Variants in CHID1 observed in about 807,000 individuals in gnomAD.
The protein encoded by CHID1 is chitinase domain containing 1.
Under a neutral mutation model 55.4 loss-of-function variants are expected in CHID1, and 44 were observed. The ratio of observed to expected loss-of-function variants is 0.79; its 90% CI spans 0.62 to 1.02. The LOEUF is 1.02. Ranked by LOEUF, CHID1 falls within the 50% of genes least tolerant of loss-of-function variation. The probability of loss-of-function intolerance (pLI) is 0.00; values close to 1 mark genes in which losing one functional copy is unlikely to be tolerated. For missense variants in CHID1, 491 were observed against 515.3 expected (o/e 0.95, Z 0.46); for synonymous variants, 216 against 212.9 (o/e 1.01, Z -0.13).
intron 8 of CHID1, among the ~76,000 whole-genome samples, chr11:890,308 G>A (rs889965290): frequency 2.6e-5 from 4 of 152,264 alleles, no homozygotes; most frequent in Non-Finnish European, 5.9e-5. Flanking sequence ...GGTGGGCGAC[G>A]GGAGCAGGGG....
intron 1 of CHID1, among the ~76,000 whole-genome samples, chr11:909,640 C>T (rs374539967): frequency 2.0e-5 from 3 of 152,282 alleles, no homozygotes; most frequent in Admixed American, 1.3e-4. Context: ...ATGTGTAGAG[C>T]GACAGCAGCC....
chr11:890,640 C>T (rs1166438309), intron 8 of CHID1, among the ~76,000 whole-genome samples: 1 of 152,224 alleles, frequency 6.6e-6, no homozygotes, highest in East Asian at 1.9e-4. Flanking sequence ...AAGGGTTCTG[C>T]TCCCATGTTA....
At chr11:897,641 G>A (rs1474509282) in intron 7 of CHID1, among the ~76,000 whole-genome samples, 1 of 152,218 alleles carries the variant, frequency 6.6e-6, no homozygotes, top group Non-Finnish European at 1.5e-5. Context: ...TAGCCTTGCG[G>A]ACATCCTTAC....
At chr11:893,397 C>A in intron 8 of CHID1, 30 bp downstream of exon 8, 1 of 1,532,018 alleles carries the variant, frequency 6.5e-7, no homozygotes, top group South Asian at 1.2e-5. Flanking sequence ...CCCTCCACAG[C>A]CACCCCCACA....
At chr11:908,843 T>A (rs987691594) in intron 1 of CHID1, among the ~76,000 whole-genome samples, 1 of 151,968 alleles carries the variant, frequency 6.6e-6, no homozygotes, top group African/African-American at 2.4e-5. Flanking sequence ...GCCTATGACC[T>A]CCCTGCCCCC....
rs538750331 is a variant in CHID1, at chr11:874,232, C to T, written c.960-3733G>A. 1.3e-4 allele frequency among the ~76,000 whole-genome samples: 20 copies of T among 152,224 alleles called. No homozygotes were observed. In the South Asian group the frequency reaches 1.9e-3, roughly 14 times the overall value. On this transcript the variant is annotated intron_variant, in intron 10 of 12. Transcript: ENST00000323578. ...ATCCCAGCACTTTGGGAGGCTGAGG[C>T]GGGCGGATCACCTGAGGTCAGGAGT...
At chr11:893,264 C>G (rs1850973422) in intron 8 of CHID1, among the ~76,000 whole-genome samples, 163 bp downstream of exon 8, 1 of 152,238 alleles carries the variant, frequency 6.6e-6, no homozygotes, top group African/African-American at 2.4e-5. Context: ...CTGTGCCCAG[C>G]ACAGGGGCAC....
At chr11:878,724 C>T (rs1849685130) in intron 10 of CHID1, among the ~76,000 whole-genome samples, 1 of 151,730 alleles carries the variant, frequency 6.6e-6, no homozygotes, top group Non-Finnish European at 1.5e-5. Context: ...TAATTTGAGA[C>T]AGAGTCTCGC....
intron 10 of CHID1, 146 bp from the exon 11 acceptor site, chr11:870,645 G>C: frequency 1.6e-6 from 1 of 628,898 alleles, no homozygotes. Context: ...ACACCTGGTG[G>C]GGTGGCCAGA....
At chr11:900,368 C>T (rs1466735878) in intron 5 of CHID1, among the ~76,000 whole-genome samples, 1 of 152,184 alleles carries the variant, frequency 6.6e-6, no homozygotes, top group Non-Finnish European at 1.5e-5. Flanking sequence ...GCTCCCCACA[C>T]GGCTCAGCAT....
chr11:883,265 C>G lies in CHID1; in HGVS notation c.842G>C (p.Cys281Ser), dbSNP rs749015751. Residue 281 changes from cysteine (C) to serine (S), a missense_variant, in exon 10 of 13, where the codon TGC (cysteine) becomes TCC (serine). Coordinates refer to ENST00000323578, the MANE Select transcript of CHID1 (RefSeq NM_023947.4). Reference protein sequence around the residue: ...PNAPLSWVRACVQVLDPKSKW... With the variant: ...PNAPLSWVRASVQVLDPKSKW... ...GGACTTCGGGTCCAGGACCTGGACGCAGGCTCGAACCCAGGACAGGGGTGC... is the reference window on the plus strand; with the variant it reads ...GGACTTCGGGTCCAGGACCTGGACGGAGGCTCGAACCCAGGACAGGGGTGC... 2.5e-6 allele frequency: 4 copies of G among 1,613,988 alleles called. No homozygotes were observed. The highest frequency in any genetic ancestry group is 3.4e-6 in the Non-Finnish European group (4 of 1,179,984).
intron 10 of CHID1, among the ~76,000 whole-genome samples, chr11:871,092 G>A (rs113952795): frequency 0.019 from 2,818 of 151,430 alleles, 82 homozygotes; most frequent in Non-Finnish European, 0.021. Flanking sequence ...CCAGATTCAG[G>A]TGATTCTTCT....
Position 875,776 on chromosome 11 carries a change from C to G in CHID1, c.960-5277G>C, listed in dbSNP as rs1849470417. Reference sequence around the variant, plus strand: ...ACCGAGTCGTGGCAGCAAAAGACGCCACGGCAGTGATGAGGACCACGTGCC... The same window carrying G: ...ACCGAGTCGTGGCAGCAAAAGACGCGACGGCAGTGATGAGGACCACGTGCC... On this transcript the variant is annotated intron_variant, in intron 10 of 12. Transcript: ENST00000323578. This position sits in a 1 kb window ranked among gnomAD's most constrained non-coding sequence, Gnocchi z 4.7. Among the ~76,000 whole-genome samples the G allele has an allele frequency of 6.6e-6, 1 of 152,144 alleles. No individual in the cohort carries two copies. The highest frequency in any genetic ancestry group is 1.5e-5 in the Non-Finnish European group (1 of 68,036).
chr11:884,251 T>A, intron 8 of CHID1, 82 bp from the exon 9 acceptor site: 1 of 1,028,588 alleles, frequency 9.7e-7, no homozygotes, highest in Non-Finnish European at 1.5e-6. Context: ...GCAAGCTGCC[T>A]GTAGGGGACT....
At chr11:896,140 C>CACA (rs1363197285) in intron 7 of CHID1, among the ~76,000 whole-genome samples, 2 of 145,022 alleles carry the variant, frequency 1.4e-5, no homozygotes, top group East Asian at 2.0e-4. Flanking sequence ...CCACCCCAGA[C>CACA]ACGAGCCTGT....
chr11:886,354 G>A (rs1202968243), intron 8 of CHID1, among the ~76,000 whole-genome samples: 3 of 151,764 alleles, frequency 2.0e-5, no homozygotes, highest in Admixed American at 1.3e-4. Flanking sequence ...AGCTACTTGG[G>A]GGGCTGAGGT....
chr11:870,467 C>G lies in CHID1; in HGVS notation c.992G>C (p.Arg331Pro). 5.6e-6 allele frequency: 9 copies of G among 1,611,514 alleles called. No homozygotes were observed. The East Asian group carries it at 2.0e-4, about 36-fold the overall frequency. Residue 331 changes from arginine (R) to proline (P), a missense_variant, in exon 11 of 13, where the codon CGG becomes CCG. Physicochemically the swap from Arg to Pro is moderately radical, Grantham distance 103. Transcript: ENST00000323578. ...TGAGGCCTGGCTGTCCCACACCATC[C>G]GGGGCCTGTGGTCCTTCAGTGTCTG... ...YIQTLKDHRP[R>P]MVWDSQASEH...
At chr11:874,224 G>A (rs1205002827) in intron 10 of CHID1, among the ~76,000 whole-genome samples, 1 of 152,218 alleles carries the variant, frequency 6.6e-6, no homozygotes, top group African/African-American at 2.4e-5. Context: ...CACTTTGGGA[G>A]GCTGAGGCGG....
chr11:884,817 G>A lies in CHID1; in HGVS notation c.702-648C>T, dbSNP rs540274470. Among the ~76,000 whole-genome samples, 5 of 152,338 alleles carry A rather than the reference G, an allele frequency of 3.3e-5. No individual in the cohort carries two copies. In the South Asian group the frequency reaches 1.0e-3, roughly 32 times the overall value. On this transcript the variant is annotated intron_variant, in intron 8 of 12. Transcript: ENST00000323578. ...GTGGCATGGGCACCGCGGAGGAAGC[G>A]GCCCTGTTCTGTCTGCCTGGCCCCT...
Sources: gnomAD v4.1 joint callset for allele counts (sites outside exome capture counted in the v4.1 genomes callset) on GRCh38, gnomAD v4.1.1 for gene constraint, Gnocchi (gnomAD v3.1) non-coding constraint, MANE v1.5 for transcripts, NCBI Gene and HGNC (gene_info 2026-07-23, HGNC 2026-07-21) for gene names.